Variants in RALYL observed in about 807,000 individuals in gnomAD.
RALYL encodes RNA-binding Raly-like protein.
Under a neutral mutation model 35.1 loss-of-function variants are expected in RALYL, and 29 were observed. The ratio of observed to expected loss-of-function variants is 0.83; its 90% CI spans 0.61 to 1.13. The LOEUF (loss-of-function observed/expected upper bound fraction) is 1.13, where lower values mean the gene tolerates loss of function less well. RALYL is among the 50% of genes most tolerant of loss of function. The probability of loss-of-function intolerance (pLI) is 0.00; values close to 1 mark genes in which losing one functional copy is unlikely to be tolerated. For synonymous variants in RALYL, 120 were observed against 127.6 expected, an observed-to-expected ratio of 0.94 and a Z score of 0.40; for missense variants, 359 against 360.4, an observed-to-expected ratio of 1.00 and a Z score of 0.03.
At chr8:84,493,233 C>A (rs536216682) in intron 1 of RALYL, among the ~76,000 whole-genome samples, 1 of 152,204 alleles carries the variant, frequency 6.6e-6, no homozygotes, top group Admixed American at 6.5e-5. Flanking sequence ...AATGTCCCTG[C>A]AAAGGACATG....
rs188290882 is a variant in RALYL, at chr8:84,427,964, T to A, written c.-23-101335T>A. 3.3e-3 allele frequency among the ~76,000 whole-genome samples: 501 copies of A among 152,302 alleles called. 1 individual carries two copies. The highest frequency in any genetic ancestry group is 0.014 in the Middle Eastern group (4 of 294). Reference sequence around the variant, plus strand: ...AATTCATTATTGCTAAGGCAATGAATCTATCTTCAAATCTGTATGTCTCAG... The same window carrying A: ...AATTCATTATTGCTAAGGCAATGAAACTATCTTCAAATCTGTATGTCTCAG... On this transcript the variant is annotated intron_variant, in intron 1 of 8. Transcript: ENST00000521268.
chr8:84,725,665 T>C (rs1211674567), intron 2 of RALYL, among the ~76,000 whole-genome samples: 1 of 151,658 alleles, frequency 6.6e-6, no homozygotes, highest in Non-Finnish European at 1.5e-5. Flanking sequence ...CCCTTCAATT[T>C]AGAAATATGA....
At chr8:84,252,231 C>CT (rs1333936757) in intron 1 of RALYL, among the ~76,000 whole-genome samples, 1 of 152,084 alleles carries the variant, frequency 6.6e-6, no homozygotes, top group African/African-American at 2.4e-5. Context: ...TCTACCAACA[C>CT]TTAATAAACT....
At chr8:84,219,363 A>G (rs1173178330) in intron 1 of RALYL, among the ~76,000 whole-genome samples, 2 of 151,990 alleles carry the variant, frequency 1.3e-5, no homozygotes, top group African/African-American at 4.8e-5. Context: ...TTCTTCTGCC[A>G]TGATTGTAAG....
intron 1 of RALYL, among the ~76,000 whole-genome samples, chr8:84,371,539 TCACACACACACA>T (rs5892914): frequency 4.9e-5 from 7 of 144,160 alleles, no homozygotes; most frequent in South Asian, 4.5e-4. Flanking sequence ...TTTATGATTA[TCACACACACACA>T]CACACACACA....
At chr8:84,201,389 A>G (rs1816804433) in intron 1 of RALYL, among the ~76,000 whole-genome samples, 1 of 152,114 alleles carries the variant, frequency 6.6e-6, no homozygotes, top group Admixed American at 6.5e-5. Flanking sequence ...ATATGTCAGT[A>G]TTCCCAGTAT....
At chr8:84,496,742 A>G (rs1026393118) in intron 1 of RALYL, among the ~76,000 whole-genome samples, 1 of 152,174 alleles carries the variant, frequency 6.6e-6, no homozygotes, top group African/African-American at 2.4e-5. Flanking sequence ...AAGTTATGTA[A>G]TCCAACCCTC....
chr8:84,735,976 T>C (rs1441539355), intron 2 of RALYL, among the ~76,000 whole-genome samples: 1 of 151,976 alleles, frequency 6.6e-6, no homozygotes, highest in Non-Finnish European at 1.5e-5. Flanking sequence ...GTCAAACACA[T>C]GTGATTATGA....
chr8:84,792,634 C>T (rs535110202), intron 3 of RALYL, among the ~76,000 whole-genome samples: 2 of 152,266 alleles, frequency 1.3e-5, no homozygotes, highest in South Asian at 2.1e-4. Flanking sequence ...CCAGTACTCC[C>T]GTGTGTTCTG....
At chr8:84,891,124 G>A (rs945741732) in intron 8 of RALYL, among the ~76,000 whole-genome samples, 5 of 152,258 alleles carry the variant, frequency 3.3e-5, no homozygotes, top group Admixed American at 1.3e-4. Flanking sequence ...GGATCAGTGC[G>A]AAAGTCACAG....
At chr8:84,438,368 T>G (rs1356849250) in intron 1 of RALYL, among the ~76,000 whole-genome samples, 1 of 144,028 alleles carries the variant, frequency 6.9e-6, no homozygotes, top group Non-Finnish European at 1.5e-5. Context: ...TAGGTTTTCT[T>G]CTAGGATTAT....
chr8:84,506,044 C>T (rs4740019), intron 1 of RALYL, among the ~76,000 whole-genome samples: 57,145 of 151,706 alleles, frequency 0.38, 10,845 homozygotes, highest in South Asian at 0.51. Flanking sequence ...AACCTAACAC[C>T]GATTAAATTG....
chr8:84,578,827 C>A (rs1327323841), intron 2 of RALYL, among the ~76,000 whole-genome samples: 1 of 152,156 alleles, frequency 6.6e-6, no homozygotes, highest in African/African-American at 2.4e-5. Flanking sequence ...CTGGCTGGGT[C>A]TGGGGGTTTT....
intron 3 of RALYL, among the ~76,000 whole-genome samples, chr8:84,781,609 T>A (rs923895241): frequency 6.6e-6 from 1 of 152,212 alleles, no homozygotes; most frequent in Non-Finnish European, 1.5e-5. Context: ...TTTGTTTGGT[T>A]TGACATAGTT....
In RALYL at chr8:84,320,135, C is replaced by T. The variant is rs149802994; in HGVS notation, c.-24+135711C>T. 9.7e-4 allele frequency among the ~76,000 whole-genome samples: 148 copies of T among 152,122 alleles called. 1 individual carries two copies. The Middle Eastern group carries it at 0.014, about 14-fold the overall frequency. ...TAATTTTACAGTAAAGCACACATAT[C>T]TATCAAAGTCAGAATAGTTGATGTC... On this transcript the variant is annotated intron_variant, in intron 1 of 8. Coordinates refer to ENST00000521268, the MANE Select transcript of RALYL (RefSeq NM_173848.7).
chr8:84,633,484 TAAGAAAAAAGAAGTCCTGAGTA>T (rs1412734158), intron 2 of RALYL, among the ~76,000 whole-genome samples: 1 of 151,876 alleles, frequency 6.6e-6, no homozygotes, highest in Non-Finnish European at 1.5e-5. Flanking sequence ...CAGCAACTTT[TAAGAAAAAAGAAGTCCTGAGTA>T]GTTTCACGCA....
At chr8:84,519,457 T>C (rs1470672705) in intron 1 of RALYL, among the ~76,000 whole-genome samples, 1 of 152,172 alleles carries the variant, frequency 6.6e-6, no homozygotes, top group African/African-American at 2.4e-5. Flanking sequence ...TTGGGTTCTG[T>C]AGTGATTGGT....
chr8:84,694,416 C>A (rs543460759), intron 2 of RALYL, among the ~76,000 whole-genome samples: 2 of 151,830 alleles, frequency 1.3e-5, no homozygotes, highest in South Asian at 2.1e-4. Flanking sequence ...AGGTGAAACA[C>A]CTGTATAATG....
At chr8:84,408,870 G>A (rs1232891036) in intron 1 of RALYL, among the ~76,000 whole-genome samples, 2 of 152,010 alleles carry the variant, frequency 1.3e-5, no homozygotes, top group African/African-American at 4.8e-5. Context: ...TCCATATTCT[G>A]TTTGCTAAAT....
Sources: gnomAD v4.1 joint callset for allele counts (sites outside exome capture counted in the v4.1 genomes callset) on GRCh38, gnomAD v4.1.1 for gene constraint, MANE v1.5 for transcripts, NCBI Gene and HGNC (gene_info 2026-07-23, HGNC 2026-07-21) for gene names.